The following CNTN5 variants were observed in gnomAD, a reference collection of about 807,000 sequenced individuals.
CNTN5 encodes contactin 5.
In CNTN5, 77 loss-of-function variants were observed where a neutral mutation model predicts 129.1. The observed-to-expected ratio is 0.60, with a 90% confidence interval of 0.50 to 0.72. The LOEUF (loss-of-function observed/expected upper bound fraction) is 0.72. Ranked by LOEUF, CNTN5 falls within the 30% of genes least tolerant of loss-of-function variation. The probability of loss-of-function intolerance (pLI) is 0.00; values close to 1 mark genes in which losing one functional copy is unlikely to be tolerated. For missense variants in CNTN5, 1,478 were observed against 1,328.8 expected (o/e 1.11, Z -1.75); for synonymous variants, 509 against 465.6 (o/e 1.09, Z -1.20).
chr11:100,262,610 A>C (rs1232892822), intron 17 of CNTN5, among the ~76,000 whole-genome samples: 1 of 152,208 alleles, frequency 6.6e-6, no homozygotes, highest in East Asian at 1.9e-4. Context: ...CTATGCAGCC[A>C]TAAAAAAGGA....
chr11:99,842,523 C>T (rs1268471482), intron 4 of CNTN5, among the ~76,000 whole-genome samples: 1 of 152,150 alleles, frequency 6.6e-6, no homozygotes, highest in African/African-American at 2.4e-5. Context: ...CTAAAAAATA[C>T]TACTACTAGA....
At chr11:100,292,106 A>G (rs917996839) in intron 18 of CNTN5, among the ~76,000 whole-genome samples, 7 of 152,006 alleles carry the variant, frequency 4.6e-5, no homozygotes, top group African/African-American at 1.7e-4. Flanking sequence ...CACAGACCTG[A>G]CCCAACAGCT....
chr11:99,745,089 C>G (rs1250473239), intron 3 of CNTN5, among the ~76,000 whole-genome samples: 3 of 152,146 alleles, frequency 2.0e-5, no homozygotes. Context: ...AGCAAATTTC[C>G]TCCATTAAGC....
chr11:99,837,776 G>C (rs1012987667), intron 4 of CNTN5, among the ~76,000 whole-genome samples: 5 of 150,544 alleles, frequency 3.3e-5, no homozygotes, highest in Non-Finnish European at 7.4e-5. Context: ...CAAGAATAAA[G>C]TGGGCTCTTA....
At chr11:99,794,745 AG>A (rs1477774949) in intron 3 of CNTN5, among the ~76,000 whole-genome samples, 1 of 152,196 alleles carries the variant, frequency 6.6e-6, no homozygotes, top group East Asian at 1.9e-4. Flanking sequence ...TGCTGAATAT[AG>A]GCTCCCTATG....
intron 18 of CNTN5, among the ~76,000 whole-genome samples, chr11:100,295,354 A>T (rs1169457908): frequency 1.3e-5 from 2 of 151,534 alleles, no homozygotes; most frequent in Non-Finnish European, 3.0e-5. Flanking sequence ...AAATGAATTA[A>T]ATAGAAGTGA....
chr11:99,155,964 C>T (rs928746723), intron 1 of CNTN5, among the ~76,000 whole-genome samples: 3 of 151,910 alleles, frequency 2.0e-5, no homozygotes, highest in East Asian at 1.9e-4. Flanking sequence ...ATAATACAAG[C>T]GAGGATAAAA....
intron 3 of CNTN5, among the ~76,000 whole-genome samples, chr11:99,765,997 T>G (rs1440140656): frequency 1.3e-5 from 2 of 152,028 alleles, no homozygotes; most frequent in East Asian, 3.8e-4. Flanking sequence ...CTAAATAATT[T>G]TACTAGCATC....
intron 1 of CNTN5, among the ~76,000 whole-genome samples, chr11:99,111,156 A>G (rs1474897622): frequency 6.6e-6 from 1 of 152,154 alleles, no homozygotes; most frequent in Non-Finnish European, 1.5e-5. Flanking sequence ...CAATAATTTC[A>G]ATATGGTGAA....
chr11:99,969,092 A>G (rs1951178785), intron 8 of CNTN5, among the ~76,000 whole-genome samples: 1 of 151,942 alleles, frequency 6.6e-6, no homozygotes, highest in Non-Finnish European at 1.5e-5. Flanking sequence ...ATTTCTTCCT[A>G]AGCATACTTA....
chr11:99,719,320 G>A (rs76401297), intron 3 of CNTN5, among the ~76,000 whole-genome samples: 4,157 of 151,876 alleles, frequency 0.027, 73 homozygotes, highest in South Asian at 0.044. Context: ...ACTTTGTCGG[G>A]AAAAAGAAAA....
chr11:99,765,787 C>A (rs2135304710), intron 3 of CNTN5, among the ~76,000 whole-genome samples: 1 of 151,446 alleles, frequency 6.6e-6, no homozygotes, highest in Middle Eastern at 3.4e-3. Context: ...GAAGGGTACA[C>A]AAAAGGAAGT....
At chr11:99,998,803 C>A (rs7942021) in intron 8 of CNTN5, among the ~76,000 whole-genome samples, 53,548 of 147,422 alleles carry the variant, frequency 0.36, 10,406 homozygotes, top group African/African-American at 0.57. Context: ...GGTACCAAAA[C>A]AGAGATATAG....
In CNTN5 at chr11:99,565,028, G is replaced by A. The variant is rs151208969; in HGVS notation, c.55+8759G>A. ...TTATAAGTATTTAACATTTCAATAAGTATATCACAATAATATTTAGTACAA... is the reference window on the plus strand; with the variant it reads ...TTATAAGTATTTAACATTTCAATAAATATATCACAATAATATTTAGTACAA... On this transcript the variant is annotated intron_variant, in intron 3 of 24. Coordinates refer to ENST00000524871, the MANE Select transcript of CNTN5 (RefSeq NM_014361.4). 2.5e-3 allele frequency among the ~76,000 whole-genome samples: 376 copies of A among 152,170 alleles called. 3 individuals carry two copies. The highest frequency in any genetic ancestry group is 8.6e-3 in the African/African-American group (355 of 41,518).
At chr11:100,224,977 G>C in intron 16 of CNTN5, 165 bp downstream of exon 16, 1 of 594,054 alleles carries the variant, frequency 1.7e-6, no homozygotes, top group Non-Finnish European at 2.6e-6. Context: ...AAATTACATG[G>C]AAAACTCCTC....
intron 3 of CNTN5, among the ~76,000 whole-genome samples, chr11:99,632,809 T>G (rs1435862385): frequency 2.6e-5 from 4 of 152,130 alleles, no homozygotes; most frequent in African/African-American, 7.2e-5. Context: ...GAAAAGTTTT[T>G]GGGGTAAATT....
intron 3 of CNTN5, among the ~76,000 whole-genome samples, chr11:99,787,911 T>G (rs1945593714): frequency 1.3e-5 from 2 of 151,988 alleles, no homozygotes; most frequent in South Asian, 4.1e-4. Flanking sequence ...TTCCAATCAC[T>G]GTTTATCTCA....
At chr11:100,235,907 C>T (rs1327956864) in intron 16 of CNTN5, among the ~76,000 whole-genome samples, 1 of 152,124 alleles carries the variant, frequency 6.6e-6, no homozygotes, top group Non-Finnish European at 1.5e-5. Flanking sequence ...TGGGGCACCA[C>T]CTGCCAGGTC....
intron 1 of CNTN5, among the ~76,000 whole-genome samples, chr11:99,213,749 C>T (rs1859963100): frequency 6.6e-6 from 1 of 151,912 alleles, no homozygotes; most frequent in African/African-American, 2.4e-5. Context: ...TCTAAGATAG[C>T]CTTTGGATTA....
Sources: allele counts gnomAD v4.1 joint callset (sites outside exome capture counted in the v4.1 genomes callset), GRCh38; gene constraint gnomAD v4.1.1; transcripts MANE v1.5; gene names NCBI Gene and HGNC (gene_info 2026-07-23, HGNC 2026-07-21).